The following POT1 variants were observed in gnomAD, a reference collection of about 807,000 sequenced individuals.
The protein encoded by POT1 is protection of telomeres protein 1.
POT1 carries 47 observed loss-of-function variants against 78.5 expected under a neutral mutation model. The observed-to-expected ratio is 0.60, with a 90% CI of 0.47 to 0.76. The LOEUF is 0.76. POT1 is among the 30% of genes least tolerant of loss of function. The pLI, the probability that POT1 is intolerant of heterozygous loss-of-function variation, is 0.00. For synonymous variants in POT1, 259 were observed against 260.7 expected (o/e 0.99, Z 0.06); for missense variants, 646 against 749.9 (o/e 0.86, Z 1.62).
At position 124,877,108 on chromosome 7, in the gene POT1, T is replaced by C. The variant is rs114763529; in HGVS notation, c.125-6067A>G. Among the ~76,000 whole-genome samples the C allele has an allele frequency of 5.6e-3, 856 of 152,256 alleles. 8 individuals carry two copies. Among genetic ancestry groups the C allele is most frequent in the Middle Eastern group, 0.024 (7 of 294 alleles). On this transcript the variant is annotated intron_variant, in intron 6 of 18. Transcript: ENST00000357628. ...TTGTGAAATTAGGGAACACCAAATATTTTTTAAAATTCTGAAAACTTCTGT... is the reference window on the plus strand; with the variant it reads ...TTGTGAAATTAGGGAACACCAAATACTTTTTAAAATTCTGAAAACTTCTGT...
At position 124,872,858 on chromosome 7, in the gene POT1, G is replaced by A. The variant is rs183928517; in HGVS notation, c.125-1817C>T. On this transcript the variant is annotated intron_variant, in intron 6 of 18. Coordinates refer to ENST00000357628, the MANE Select transcript of POT1 (RefSeq NM_015450.3). ...TGTTATCTTTTCTTCACACCCTCTC[G>A]ATACTAGTCTTCTTTTTGATAACAG... Among the ~76,000 whole-genome samples, 77 of 152,264 alleles carry A rather than the reference G, an allele frequency of 5.1e-4. 1 individual carries two copies. The highest frequency in any genetic ancestry group is 4.3e-3 in the Admixed American group (65 of 15,290).
At chr7:124,854,424 C>CTTT (rs1795393030) in intron 9 of POT1, among the ~76,000 whole-genome samples, 1 of 151,602 alleles carries the variant, frequency 6.6e-6, no homozygotes, top group East Asian at 1.9e-4. Context: ...AGGCTCAATC[C>CTTT]TATAAAAGGA....
chr7:124,898,161 C>G (rs1161904814), intron 4 of POT1, 100 bp downstream of exon 4: 2 of 151,794 alleles, frequency 1.3e-5, no homozygotes, highest in African/African-American at 4.8e-5. Context: ...TTTAGTCAGA[C>G]CAAGTAGTTT....
intron 9 of POT1, among the ~76,000 whole-genome samples, chr7:124,854,092 C>T (rs926552026): frequency 1.7e-4 from 26 of 151,800 alleles, no homozygotes; most frequent in Non-Finnish European, 3.1e-4. Flanking sequence ...AACAAAAAAA[C>T]TATATAGGTT....
intron 3 of POT1, among the ~76,000 whole-genome samples, chr7:124,899,886 G>A (rs1205151678): frequency 6.6e-6 from 1 of 151,982 alleles, no homozygotes; most frequent in Non-Finnish European, 1.5e-5. Context: ...TTAAAAGACT[G>A]AGTATGTATG....
chr7:124,827,026 T>G (rs1010489751), intron 17 of POT1, among the ~76,000 whole-genome samples, 188 bp downstream of exon 17: 4 of 152,168 alleles, frequency 2.6e-5, no homozygotes, highest in Admixed American at 1.3e-4. Context: ...ATTCAAATGT[T>G]AAGATTTAGT....
chr7:124,859,219 G>T, intron 8 of POT1, 107 bp from the exon 9 acceptor site: 1 of 683,100 alleles, frequency 1.5e-6, no homozygotes, highest in Non-Finnish European at 2.2e-6. Context: ...TTATGCCTCT[G>T]AATATTGGCA....
intron 16 of POT1, chr7:124,828,962 C>G (rs1794695893): frequency 1.6e-6 from 1 of 633,534 alleles, no homozygotes; most frequent in Admixed American, 1.8e-5. Flanking sequence ...ATGTCCAGCT[C>G]TGAATGCCAA....
chr7:124,843,020 T>C lies in POT1; in HGVS notation c.1007-57A>G, dbSNP rs974123574. 5.7e-6 allele frequency: 7 copies of C among 1,233,962 alleles called. No homozygotes were observed. The East Asian group carries it at 1.5e-4, about 27-fold the overall frequency. 76.4% of individuals were successfully genotyped at this position (1,233,962 alleles called of 1,614,324 possible). A position where few individuals can be genotyped will look rare whatever the true frequency, so the allele number is the denominator to read the frequency against. On this transcript the variant is annotated intron_variant, in intron 12 of 18. Transcript: ENST00000357628. ...ACAAGAATCATATTTATGACATGCA[T>C]CCTCCTGAACCAAATATATACTATA...
intron 13 of POT1, among the ~76,000 whole-genome samples, chr7:124,841,732 T>G (rs755033480): frequency 6.6e-6 from 1 of 152,012 alleles, no homozygotes; most frequent in African/African-American, 2.4e-5. Flanking sequence ...CAGTTAACTG[T>G]GTAACTTTAG....
intron 3 of POT1, among the ~76,000 whole-genome samples, chr7:124,906,358 A>T (rs1796765004): frequency 6.6e-6 from 1 of 152,086 alleles, no homozygotes; most frequent in Non-Finnish European, 1.5e-5. Flanking sequence ...ATGAAGCTGG[A>T]AACCATCATT....
chr7:124,860,968 G>C (rs1475712619), intron 8 of POT1, among the ~76,000 whole-genome samples: 1 of 150,264 alleles, frequency 6.7e-6, no homozygotes, highest in Non-Finnish European at 1.5e-5. Context: ...AGTATTCCAG[G>C]GTGTATATGT....
chr7:124,919,553 A>G (rs1002595128), intron 2 of POT1, among the ~76,000 whole-genome samples: 7 of 152,100 alleles, frequency 4.6e-5, no homozygotes, highest in Non-Finnish European at 8.8e-5. Context: ...CTTTTGTGCC[A>G]CCAGTCTGAC....
chr7:124,857,497 C>G (rs559943321), intron 9 of POT1, among the ~76,000 whole-genome samples: 4 of 152,216 alleles, frequency 2.6e-5, no homozygotes, highest in Non-Finnish European at 5.9e-5. Flanking sequence ...CCCCACCTGA[C>G]ATCCTGTGCC....
At chr7:124,902,370 T>G (rs1311563237) in intron 3 of POT1, among the ~76,000 whole-genome samples, 7 of 152,134 alleles carry the variant, frequency 4.6e-5, no homozygotes, top group African/African-American at 1.7e-4. Context: ...GGGGCCAATA[T>G]TCAACATTCT....
Position 124,825,413 on chromosome 7 carries a change from GTTA to G in POT1, c.1687-59_1687-57del, listed in dbSNP as rs1337728684. 38 of 1,065,430 alleles carry G rather than the reference GTTA, an allele frequency of 3.6e-5. No homozygotes were observed. In the East Asian group the frequency reaches 8.9e-4, roughly 25 times the overall value. 66.0% of individuals were successfully genotyped at this position (1,065,430 alleles called of 1,614,324 possible). ...GGAAATAATATTAATCCTTTTTAAT[GTTA>G]TTATTAACACATATTTCAATATTGT... On this transcript the variant is annotated intron_variant, in intron 17 of 18. Transcript: ENST00000357628.
rs536647311 is a variant in POT1, at chr7:124,852,440, C to A, written c.870-489G>T. Among the ~76,000 whole-genome samples, 64 of 152,172 alleles carry A rather than the reference C, an allele frequency of 4.2e-4. 1 individual carries two copies. The highest frequency in any genetic ancestry group is 3.4e-3 in the Middle Eastern group (1 of 294). On this transcript the variant is annotated intron_variant, in intron 10 of 18. Coordinates refer to ENST00000357628, the MANE Select transcript of POT1 (RefSeq NM_015450.3). ...GAATATTGACCAAAATGCTTCTGCACACAATACTCACTAGGAATACCTTGG... is the reference window on the plus strand; with the variant it reads ...GAATATTGACCAAAATGCTTCTGCAAACAATACTCACTAGGAATACCTTGG...
chr7:124,902,264 A>G (rs947381994), intron 3 of POT1, among the ~76,000 whole-genome samples: 7 of 152,168 alleles, frequency 4.6e-5, no homozygotes, highest in African/African-American at 1.7e-4. Context: ...AAATGTTAAG[A>G]GCAGCCAGAG....
intron 8 of POT1, among the ~76,000 whole-genome samples, chr7:124,862,292 G>A (rs981945569): frequency 6.6e-5 from 10 of 152,158 alleles, no homozygotes; most frequent in Non-Finnish European, 1.0e-4. Flanking sequence ...ACAGTCAAAA[G>A]ATAGAATATG....
Sources: allele counts gnomAD v4.1 joint callset (sites outside exome capture counted in the v4.1 genomes callset), GRCh38; gene constraint gnomAD v4.1.1; transcripts MANE v1.5; gene names NCBI Gene and HGNC (gene_info 2026-07-23, HGNC 2026-07-21).